Variants in SLC24A4 observed in about 807,000 individuals in gnomAD.
The protein encoded by SLC24A4 is solute carrier family 24 member 4.
Under a neutral mutation model 79.0 loss-of-function variants are expected in SLC24A4, and 53 were observed. That is an observed-to-expected ratio of 0.67 (90% confidence interval 0.54 to 0.84). The LOEUF (loss-of-function observed/expected upper bound fraction) is 0.84. SLC24A4 is among the 40% of genes least tolerant of loss of function. The pLI, the probability that SLC24A4 is intolerant of heterozygous loss-of-function variation, is 0.00. For synonymous variants in SLC24A4, 323 were observed against 323.8 expected (o/e 1.00, Z 0.03); for missense variants, 731 against 822.0 (o/e 0.89, Z 1.35).
intron 12 of SLC24A4, among the ~76,000 whole-genome samples, chr14:92,473,651 G>A (rs775497659): frequency 2.6e-5 from 4 of 152,134 alleles, no homozygotes; most frequent in Non-Finnish European, 5.9e-5. Context: ...TGAGTCTCAG[G>A]ACAGCTGGAA....
rs150924410 is a variant in SLC24A4, at chr14:92,430,502, A to G, written c.242-3410A>G. Among the ~76,000 whole-genome samples the G allele has an allele frequency of 4.2e-3, 638 of 152,334 alleles. 2 individuals carry two copies. The highest frequency in any genetic ancestry group is 6.8e-3 in the Non-Finnish European group (464 of 68,014). ...GTCCCCAAGGATTTTGGAGTTTCCC[A>G]TCCAATGTTCAGGAAGGCAACTGGC... On this transcript the variant is annotated intron_variant, in intron 2 of 16. Coordinates refer to ENST00000532405, the MANE Select transcript of SLC24A4 (RefSeq NM_153646.4).
intron 2 of SLC24A4, among the ~76,000 whole-genome samples, chr14:92,349,347 A>G (rs1448074196): frequency 1.3e-5 from 2 of 152,170 alleles, no homozygotes; most frequent in Non-Finnish European, 2.9e-5. Context: ...TTCAATAGAG[A>G]CAGGGTTTCG....
At chr14:92,326,274 T>TGTC (rs3032586) in intron 2 of SLC24A4, among the ~76,000 whole-genome samples, 1 of 972 alleles carries the variant, frequency 1.0e-3, no homozygotes, top group Non-Finnish European at 0.05. Context: ...GCTCTCTTGA[T>TGTC]GTTTGCGGCT....
intron 1 of SLC24A4, 119 bp from the exon 2 acceptor site, chr14:92,325,749 G>C: frequency 1.6e-6 from 1 of 623,864 alleles, no homozygotes; most frequent in South Asian, 1.9e-5. Flanking sequence ...AGTCCCTAAA[G>C]ATGGCTCTGA....
chr14:92,355,067 C>CT (rs1233894464), intron 2 of SLC24A4, among the ~76,000 whole-genome samples: 17 of 152,158 alleles, frequency 1.1e-4, no homozygotes, highest in African/African-American at 4.1e-4. Flanking sequence ...GAGAAAGACT[C>CT]TATCTCAACA....
chr14:92,464,340 C>T (rs1343738098), intron 12 of SLC24A4, among the ~76,000 whole-genome samples: 1 of 152,062 alleles, frequency 6.6e-6, no homozygotes, highest in African/African-American at 2.4e-5. Flanking sequence ...GCCACCTGCC[C>T]TGGAAATCCA....
At chr14:92,422,122 A>C (rs1891318574) in intron 2 of SLC24A4, among the ~76,000 whole-genome samples, 1 of 152,236 alleles carries the variant, frequency 6.6e-6, no homozygotes, top group Non-Finnish European at 1.5e-5. Context: ...ATGCCCTGTA[A>C]GGGCAGGCAC....
chr14:92,439,447 T>C (rs1892369872), intron 4 of SLC24A4, 38 bp downstream of exon 4: 1 of 1,574,540 alleles, frequency 6.4e-7, no homozygotes, highest in Non-Finnish European at 8.7e-7. Flanking sequence ...GGTGAAGCCT[T>C]GAAGACATGT....
At chr14:92,338,350 G>T in intron 2 of SLC24A4, among the ~76,000 whole-genome samples, 1 of 152,314 alleles carries the variant, frequency 6.6e-6, no homozygotes, top group East Asian at 1.9e-4. Context: ...GATTACTACT[G>T]TTTGCCTGAC....
chr14:92,342,564 G>T (rs186743815), intron 2 of SLC24A4, among the ~76,000 whole-genome samples: 10,520 of 152,020 alleles, frequency 0.069, 437 homozygotes, highest in Non-Finnish European at 0.097. Context: ...TGTATTTTTA[G>T]TAGAGATGGA....
chr14:92,461,027 C>G (rs550028463), intron 12 of SLC24A4, among the ~76,000 whole-genome samples: 1 of 152,182 alleles, frequency 6.6e-6, no homozygotes, highest in South Asian at 2.1e-4. Flanking sequence ...CGCTTTCGCC[C>G]GTGGAAACCA....
intron 2 of SLC24A4, among the ~76,000 whole-genome samples, chr14:92,343,709 CTTT>C (rs1886361851): frequency 6.9e-6 from 1 of 144,532 alleles, no homozygotes; most frequent in African/African-American, 2.6e-5. Context: ...TCCTTTCTTT[CTTT>C]CTTTTTTTGA....
intron 1 of SLC24A4, 136 bp downstream of exon 1, chr14:92,324,096 G>A (rs941454983): frequency 6.3e-6 from 8 of 1,261,488 alleles, no homozygotes; most frequent in East Asian, 2.8e-5. Context: ...CCTCCCCGCC[G>A]GGCAGGTAGA....
chr14:92,360,644 G>A (rs1176404937), intron 2 of SLC24A4, among the ~76,000 whole-genome samples: 1 of 152,168 alleles, frequency 6.6e-6, no homozygotes, highest in Non-Finnish European at 1.5e-5. Flanking sequence ...AGAATTGCCC[G>A]ATCATACTGC....
chr14:92,348,458 A>G (rs547636782), intron 2 of SLC24A4, among the ~76,000 whole-genome samples: 4 of 152,334 alleles, frequency 2.6e-5, no homozygotes, highest in Admixed American at 6.5e-5. Context: ...GACTCCGACA[A>G]TGAATGTGTT....
intron 2 of SLC24A4, among the ~76,000 whole-genome samples, chr14:92,345,067 C>T (rs1248145808): frequency 6.6e-6 from 1 of 152,142 alleles, no homozygotes; most frequent in Non-Finnish European, 1.5e-5. Flanking sequence ...AGATAGAGTG[C>T]AGGGTGGGCC....
At chr14:92,408,934 T>C (rs544494712) in intron 2 of SLC24A4, among the ~76,000 whole-genome samples, 1 of 152,162 alleles carries the variant, frequency 6.6e-6, no homozygotes, top group Non-Finnish European at 1.5e-5. Context: ...ACATAGAACA[T>C]CCTAGAAGCT....
chr14:92,447,612 G>T (rs555182414), intron 9 of SLC24A4, among the ~76,000 whole-genome samples, 188 bp downstream of exon 9: 1 of 152,274 alleles, frequency 6.6e-6, no homozygotes, highest in African/African-American at 2.4e-5. Context: ...TGTTCCGGGG[G>T]TGCCGTCCAC....
At chr14:92,474,394 G>T (rs1375698805) in intron 12 of SLC24A4, among the ~76,000 whole-genome samples, 1 of 152,168 alleles carries the variant, frequency 6.6e-6, no homozygotes, top group Non-Finnish European at 1.5e-5. Context: ...GGGGCTTCCA[G>T]TCTAGCTTCA....
Sources: allele counts gnomAD v4.1 joint callset (sites outside exome capture counted in the v4.1 genomes callset), GRCh38; gene constraint gnomAD v4.1.1; transcripts MANE v1.5; gene names NCBI Gene and HGNC (gene_info 2026-07-23, HGNC 2026-07-21).